The following PRKCE variants were observed in gnomAD, a reference collection of about 807,000 sequenced individuals.
The protein encoded by PRKCE is protein kinase C epsilon.
In PRKCE, 16 loss-of-function variants were observed where a neutral mutation model predicts 85.4. The ratio of observed to expected loss-of-function variants is 0.19; its 90% CI spans 0.13 to 0.28. The LOEUF (loss-of-function observed/expected upper bound fraction) is 0.28. PRKCE is among the 10% of genes least tolerant of loss of function. The pLI is 1.00. For missense variants in PRKCE, 573 were observed against 975.2 expected (o/e 0.59, Z 5.49); for synonymous variants, 388 against 371.5 (o/e 1.04, Z -0.51).
intron 1 of PRKCE, among the ~76,000 whole-genome samples, chr2:45,738,739 GCTT>G (rs1167301297): frequency 6.6e-6 from 1 of 152,156 alleles, no homozygotes; most frequent in African/African-American, 2.4e-5. Flanking sequence ...TAAGTGTTTT[GCTT>G]TTAACCTTAC....
intron 2 of PRKCE, among the ~76,000 whole-genome samples, chr2:45,950,532 T>C (rs1700549037): frequency 7.1e-6 from 1 of 140,152 alleles, no homozygotes; most frequent in Non-Finnish European, 1.5e-5. Flanking sequence ...CATGAGGAAC[T>C]CTGGCTGGAT....
chr2:46,075,384 G>A lies in PRKCE; in HGVS notation c.1438-10824G>A, dbSNP rs534885938. 7.9e-5 allele frequency among the ~76,000 whole-genome samples: 12 copies of A among 152,140 alleles called. No individual in the cohort carries two copies. The South Asian group carries it at 1.7e-3, about 21-fold the overall frequency. On this transcript the variant is annotated intron_variant, in intron 10 of 14. Transcript: ENST00000306156. Reference sequence around the variant, plus strand: ...ATTTCATAGGTCCTAAACTTCGGCCGCAAACAGCTGGCTACTGGTGGCAAC... The same window carrying A: ...ATTTCATAGGTCCTAAACTTCGGCCACAAACAGCTGGCTACTGGTGGCAAC...
chr2:45,813,573 C>T (rs1046104059), intron 1 of PRKCE, among the ~76,000 whole-genome samples: 1 of 152,156 alleles, frequency 6.6e-6, no homozygotes, highest in African/African-American at 2.4e-5. Context: ...TGGGAGACAA[C>T]CCTCGTCTTT....
At chr2:46,040,152 G>C (rs529143722) in intron 10 of PRKCE, among the ~76,000 whole-genome samples, 2 of 152,332 alleles carry the variant, frequency 1.3e-5, no homozygotes, top group South Asian at 4.1e-4. Flanking sequence ...ACACAGAACT[G>C]AACACAATGT....
intron 2 of PRKCE, among the ~76,000 whole-genome samples, chr2:45,968,866 C>T (rs1054527020): frequency 1.3e-5 from 2 of 151,912 alleles, no homozygotes; most frequent in Non-Finnish European, 1.5e-5. Flanking sequence ...TGCCAGGGGC[C>T]ATCTCTCCCT....
intron 10 of PRKCE, among the ~76,000 whole-genome samples, chr2:46,020,365 C>G (rs569931673): frequency 8.0e-4 from 122 of 152,266 alleles, no homozygotes; most frequent in Non-Finnish European, 1.5e-3. Flanking sequence ...ACTTTGAAAA[C>G]AGTTTAAAAC....
chr2:45,983,587 CTG>C (rs1445408133), intron 5 of PRKCE, among the ~76,000 whole-genome samples: 1 of 152,160 alleles, frequency 6.6e-6, no homozygotes, highest in Non-Finnish European at 1.5e-5. Flanking sequence ...CTCATTGACC[CTG>C]CCATCCTGTG....
At chr2:45,873,714 C>T (rs1273513117) in intron 2 of PRKCE, among the ~76,000 whole-genome samples, 1 of 152,218 alleles carries the variant, frequency 6.6e-6, no homozygotes, top group African/African-American at 2.4e-5. Context: ...CTCCACTCTC[C>T]CATGTTCCAG....
At chr2:45,712,784 G>A (rs1206029524) in intron 1 of PRKCE, among the ~76,000 whole-genome samples, 1 of 152,062 alleles carries the variant, frequency 6.6e-6, no homozygotes, top group African/African-American at 2.4e-5. Context: ...TGGCTCCAGT[G>A]TTCTATTGCA....
intron 11 of PRKCE, among the ~76,000 whole-genome samples, chr2:46,089,689 T>C (rs879352641): frequency 4.0e-5 from 6 of 151,840 alleles, no homozygotes; most frequent in Non-Finnish European, 5.9e-5. Context: ...CCAGCCCCTC[T>C]CCACTTGCAT....
At chr2:45,934,069 C>T (rs1056275269) in intron 2 of PRKCE, among the ~76,000 whole-genome samples, 2 of 152,146 alleles carry the variant, frequency 1.3e-5, no homozygotes, top group African/African-American at 4.8e-5. Flanking sequence ...TAACTGACCT[C>T]TGCTGTCACC....
intron 1 of PRKCE, among the ~76,000 whole-genome samples, chr2:45,677,271 A>G (rs965599646): frequency 1.5e-4 from 23 of 150,578 alleles, no homozygotes; most frequent in African/African-American, 5.6e-4. Flanking sequence ...GTGGATAGCA[A>G]CTCTTGAATT....
At chr2:46,069,550 A>G (rs190057634) in intron 10 of PRKCE, among the ~76,000 whole-genome samples, 54 of 152,316 alleles carry the variant, frequency 3.5e-4, no homozygotes, top group African/African-American at 1.2e-3. Flanking sequence ...CCATTCATTT[A>G]TCTAGCACTT....
chr2:45,727,267 G>T (rs755157480), intron 1 of PRKCE, among the ~76,000 whole-genome samples: 1 of 152,188 alleles, frequency 6.6e-6, no homozygotes, highest in African/African-American at 2.4e-5. Flanking sequence ...CAAATACATG[G>T]TGATAAGGGA....
chr2:46,040,448 T>C (rs1435448063), intron 10 of PRKCE, among the ~76,000 whole-genome samples: 2 of 152,212 alleles, frequency 1.3e-5, no homozygotes, highest in Non-Finnish European at 2.9e-5. Flanking sequence ...TAGGATCACC[T>C]GGACTCCTTT....
intron 11 of PRKCE, among the ~76,000 whole-genome samples, chr2:46,087,232 C>G (rs543264690): frequency 1.3e-5 from 2 of 151,590 alleles, no homozygotes; most frequent in African/African-American, 4.8e-5. Context: ...CAAGTATGGA[C>G]ATCATCTTGG....
At chr2:46,071,997 C>T (rs941816862) in intron 10 of PRKCE, among the ~76,000 whole-genome samples, 2 of 152,170 alleles carry the variant, frequency 1.3e-5, no homozygotes, top group South Asian at 2.1e-4. Flanking sequence ...CACCTTCCTC[C>T]GACAGCACAA....
At chr2:45,970,005 AAACATCT>A (rs1216547243) in intron 2 of PRKCE, among the ~76,000 whole-genome samples, 1 of 152,236 alleles carries the variant, frequency 6.6e-6, no homozygotes, top group Non-Finnish European at 1.5e-5. Flanking sequence ...ATGCAAAGGG[AAACATCT>A]ATAAGGATAT....
At chr2:45,922,449 A>G (rs1406181745) in intron 2 of PRKCE, among the ~76,000 whole-genome samples, 2 of 152,196 alleles carry the variant, frequency 1.3e-5, no homozygotes, top group Non-Finnish European at 2.9e-5. Context: ...GTCAGAAGCA[A>G]CTGCTTCAGA....
Sources: gnomAD v4.1 joint callset for allele counts (sites outside exome capture counted in the v4.1 genomes callset) on GRCh38, gnomAD v4.1.1 for gene constraint, MANE v1.5 for transcripts, NCBI Gene and HGNC (gene_info 2026-07-23, HGNC 2026-07-21) for gene names.